Variants in GLT1D1 observed in about 807,000 individuals in gnomAD.
The protein encoded by GLT1D1 is glycosyltransferase 1 domain containing 1.
Under a neutral mutation model 28.7 loss-of-function variants are expected in GLT1D1, and 21 were observed. The ratio of observed to expected loss-of-function variants is 0.73; its 90% CI spans 0.52 to 1.05. GLT1D1 has a LOEUF of 1.05. GLT1D1 is among the 50% of genes least tolerant of loss of function. The probability of loss-of-function intolerance (pLI) is 0.00; values close to 1 mark genes in which losing one functional copy is unlikely to be tolerated. For synonymous variants in GLT1D1, 147 were observed against 124.8 expected (o/e 1.18, Z -1.19); for missense variants, 343 against 330.6 (o/e 1.04, Z -0.29).
intron 6 of GLT1D1, among the ~76,000 whole-genome samples, chr12:128,956,329 A>G (rs1219188129): frequency 6.6e-6 from 1 of 151,962 alleles, no homozygotes; most frequent in Non-Finnish European, 1.5e-5. Context: ...ACACGAACCT[A>G]TTTTATAATA....
intron 1 of GLT1D1, among the ~76,000 whole-genome samples, chr12:128,854,236 A>G (rs74693681): frequency 0.13 from 19,929 of 151,462 alleles, 1,415 homozygotes; most frequent in Middle Eastern, 0.27. Context: ...TGGTCGCTGG[A>G]ACGCAAGCCC....
chr12:128,908,664 G>C (rs1474802300), intron 4 of GLT1D1, among the ~76,000 whole-genome samples: 1 of 151,432 alleles, frequency 6.6e-6, no homozygotes. Context: ...AAATAAACAC[G>C]ACAGGCCGGG....
At chr12:128,853,883 G>T (rs1419502693) in intron 1 of GLT1D1, among the ~76,000 whole-genome samples, 2 of 152,160 alleles carry the variant, frequency 1.3e-5, no homozygotes, top group African/African-American at 4.8e-5. Flanking sequence ...TTGGCCTCGC[G>T]CTCTCCGGAG....
chr12:128,881,068 C>CA (rs1957020373), intron 2 of GLT1D1, among the ~76,000 whole-genome samples: 1 of 151,080 alleles, frequency 6.6e-6, no homozygotes, highest in Admixed American at 6.6e-5. Context: ...ACTAAAAATA[C>CA]AAAAATTTAG....
intron 7 of GLT1D1, among the ~76,000 whole-genome samples, chr12:128,968,351 G>T (rs1878689786): frequency 6.6e-6 from 1 of 151,576 alleles, no homozygotes. Context: ...ATACTGGGAA[G>T]CATTTGAGAG....
intron 4 of GLT1D1, among the ~76,000 whole-genome samples, chr12:128,904,665 T>C (rs112483338): frequency 0.043 from 6,362 of 147,248 alleles, 608 homozygotes; most frequent in African/African-American, 0.16. Context: ...ACAGAGTCTT[T>C]CTCTGTTGCC....
intron 4 of GLT1D1, among the ~76,000 whole-genome samples, chr12:128,922,883 A>G (rs1350086853): frequency 7.2e-6 from 1 of 139,040 alleles, no homozygotes; most frequent in Non-Finnish European, 1.5e-5. Context: ...AGAACGCACC[A>G]CTGCACTCCA....
intron 1 of GLT1D1, among the ~76,000 whole-genome samples, chr12:128,874,092 C>CTT (rs1309791117): frequency 4.5e-5 from 1 of 22,202 alleles, no homozygotes; most frequent in Non-Finnish European, 8.0e-5. Context: ...TTCTTTCTTT[C>CTT]TTTCTTTCTC....
intron 7 of GLT1D1, among the ~76,000 whole-genome samples, chr12:128,960,366 G>A (rs887347394): frequency 5.9e-5 from 9 of 152,174 alleles, no homozygotes; most frequent in Non-Finnish European, 5.9e-5. Flanking sequence ...ACAACAACAT[G>A]CATTTTAAAT....
chr12:128,919,085 G>T (rs1872392058), intron 4 of GLT1D1, among the ~76,000 whole-genome samples: 1 of 152,122 alleles, frequency 6.6e-6, no homozygotes, highest in Non-Finnish European at 1.5e-5. Flanking sequence ...TGCGTCTCTG[G>T]GTTTTATGAT....
chr12:128,885,128 C>T (rs889871284), intron 2 of GLT1D1, among the ~76,000 whole-genome samples: 1 of 151,684 alleles, frequency 6.6e-6, no homozygotes, highest in East Asian at 1.9e-4. Context: ...TATATATATA[C>T]AATAATAAAA....
chr12:128,885,357 G>T (rs766199647), intron 2 of GLT1D1, among the ~76,000 whole-genome samples: 19 of 152,018 alleles, frequency 1.2e-4, no homozygotes, highest in Non-Finnish European at 2.6e-4. Context: ...CGAGTAGCTG[G>T]GATTAAAGGC....
rs1428756490 is a variant in GLT1D1, at chr12:128,947,320, T to A, written c.420-18T>A. ...AGATTCTTGGAATCAGAGCCACTCTTCCTGCTTTGTGTTTCAGAGCCGCTG... is the reference window on the plus strand; with the variant it reads ...AGATTCTTGGAATCAGAGCCACTCTACCTGCTTTGTGTTTCAGAGCCGCTG... On this transcript the variant is annotated intron_variant, in intron 5 of 7. Transcript: ENST00000281703. 1.9e-6 allele frequency: 3 copies of A among 1,613,624 alleles called. No homozygotes were observed. In the Admixed American group the frequency reaches 5.0e-5, roughly 27 times the overall value.
At chr12:128,856,926 C>T (rs1316444861) in intron 1 of GLT1D1, among the ~76,000 whole-genome samples, 1 of 152,112 alleles carries the variant, frequency 6.6e-6, no homozygotes, top group East Asian at 1.9e-4. Context: ...GATGGCGCCA[C>T]TGCACAACAG....
In GLT1D1 at chr12:128,953,061, C is replaced by T. The variant is rs569386925; in HGVS notation, c.541-4484C>T. ...CCTCACAAAGTGCTGGGATTACAGG[C>T]GTGAGCCACCACGCCTGGCCCATGT... is the stretch of plus-strand genomic sequence containing the variant. On this transcript the variant is annotated intron_variant, in intron 6 of 7. Transcript: ENST00000281703. Among the ~76,000 whole-genome samples the T allele has an allele frequency of 7.2e-5, 11 of 152,000 alleles. No individual in the cohort carries two copies. The South Asian group carries it at 1.0e-3, about 14-fold the overall frequency.
chr12:128,931,921 A>ACACGCACG (rs547275422), intron 4 of GLT1D1, among the ~76,000 whole-genome samples: 1 of 127,656 alleles, frequency 7.8e-6, no homozygotes, highest in Admixed American at 7.3e-5. Flanking sequence ...ACGCACGCAC[A>ACACGCACG]CACACACACA....
intron 4 of GLT1D1, among the ~76,000 whole-genome samples, chr12:128,905,081 T>TAAAC (rs68123560): frequency 0.47 from 71,248 of 151,698 alleles, 17,256 homozygotes; most frequent in Admixed American, 0.62. Flanking sequence ...TTTCCCACCC[T>TAAAC]AAACACTCAG....
intron 6 of GLT1D1, among the ~76,000 whole-genome samples, chr12:128,947,992 G>A (rs940452285): frequency 6.6e-6 from 1 of 152,074 alleles, no homozygotes; most frequent in African/African-American, 2.4e-5. Context: ...CTATAAAATC[G>A]CTTCATCTTT....
chr12:128,933,321 A>G (rs1427521349), intron 4 of GLT1D1, among the ~76,000 whole-genome samples: 1 of 152,258 alleles, frequency 6.6e-6, no homozygotes, highest in East Asian at 1.9e-4. Context: ...CGCATTTCAC[A>G]CGGGAAGCCG....
Sources: allele counts gnomAD v4.1 joint callset (sites outside exome capture counted in the v4.1 genomes callset), GRCh38; gene constraint gnomAD v4.1.1; transcripts MANE v1.5; gene names NCBI Gene and HGNC (gene_info 2026-07-23, HGNC 2026-07-21).